TTBK2: variants seen among roughly 807,000 people sequenced by gnomAD.
TTBK2 encodes the protein tau tubulin kinase 2.
In TTBK2, 28 loss-of-function variants were observed where a neutral mutation model predicts 110.8. The observed-to-expected ratio is 0.25, with a 90% CI of 0.19 to 0.35. TTBK2 has a LOEUF of 0.35. Among genes scored for constraint, TTBK2 ranks in the 10% least tolerant of loss-of-function variants. The pLI, the probability that TTBK2 is intolerant of heterozygous loss-of-function variation, is 1.00. For missense variants in TTBK2, 1,369 were observed against 1,500.3 expected, an observed-to-expected ratio of 0.91 and a Z score of 1.45; for synonymous variants, 532 against 527.3, an observed-to-expected ratio of 1.01 and a Z score of -0.12.
chr15:42,765,596 C>T (rs1048314823), intron 13 of TTBK2, among the ~76,000 whole-genome samples: 5 of 152,148 alleles, frequency 3.3e-5, no homozygotes, highest in African/African-American at 1.2e-4. Context: ...TGAACAAAGC[C>T]TCCAAGAAAT....
At chr15:42,880,780 G>C (rs991592014) in intron 1 of TTBK2, among the ~76,000 whole-genome samples, 1 of 151,822 alleles carries the variant, frequency 6.6e-6, no homozygotes, top group Non-Finnish European at 1.5e-5. Context: ...ATTTTGTTCA[G>C]AAAATGAATG....
At chr15:42,882,620 AT>A (rs1895091878) in intron 1 of TTBK2, among the ~76,000 whole-genome samples, 4 of 151,980 alleles carry the variant, frequency 2.6e-5, no homozygotes, top group Non-Finnish European at 5.9e-5. Flanking sequence ...TCTCAAAATA[AT>A]AATAACAATA....
At chr15:42,751,418 T>A (rs1420927907) in intron 14 of TTBK2, among the ~76,000 whole-genome samples, 1 of 152,216 alleles carries the variant, frequency 6.6e-6, no homozygotes, top group African/African-American at 2.4e-5. Flanking sequence ...ATGTACTTAC[T>A]ACCACTGAAC....
chr15:42,755,643 G>A lies in TTBK2; in HGVS notation c.1999-2396C>T, dbSNP rs568377108. Among the ~76,000 whole-genome samples the A allele has an allele frequency of 6.0e-4, 91 of 152,252 alleles. 2 individuals are homozygous for A. Among genetic ancestry groups the A allele is most frequent in the Middle Eastern group, 3.4e-3 (1 of 294 alleles). On this transcript the variant is annotated intron_variant, in intron 13 of 14. Transcript: ENST00000267890. ...ATAAGCACAAATCTAAAATGACCTT[G>A]GGAAAAAGCATTAGGTTCTATTGGT...
chr15:42,890,238 C>A (rs1453538355), intron 1 of TTBK2, among the ~76,000 whole-genome samples: 1 of 152,204 alleles, frequency 6.6e-6, no homozygotes, highest in African/African-American at 2.4e-5. Context: ...TAATGATAAT[C>A]CCACAACCCT....
chr15:42,757,500 C>A (rs2061964959), intron 13 of TTBK2, among the ~76,000 whole-genome samples: 3 of 152,190 alleles, frequency 2.0e-5, no homozygotes, highest in Admixed American at 2.0e-4. Flanking sequence ...AAGTTGTGCA[C>A]AGCACAGTAC....
At chr15:42,906,481 A>G (rs1381013769) in intron 1 of TTBK2, among the ~76,000 whole-genome samples, 1 of 152,082 alleles carries the variant, frequency 6.6e-6, no homozygotes, top group South Asian at 2.1e-4. Flanking sequence ...TAAAGTTATT[A>G]GTAATAGAAA....
At chr15:42,775,045 C>T (rs1889839597) in intron 13 of TTBK2, 90 bp downstream of exon 13, 2 of 1,407,274 alleles carry the variant, frequency 1.4e-6, no homozygotes, top group South Asian at 1.2e-5. Context: ...TAGGCCTGTA[C>T]TGAAGTATCT....
At chr15:42,774,881 A>C (rs1160254132) in intron 13 of TTBK2, among the ~76,000 whole-genome samples, 1 of 152,268 alleles carries the variant, frequency 6.6e-6, no homozygotes, top group African/African-American at 2.4e-5. Context: ...CTTGTAGTCT[A>C]ATTAAAAATG....
At chr15:42,753,552 A>G (rs2061899329) in intron 13 of TTBK2, among the ~76,000 whole-genome samples, 1 of 151,968 alleles carries the variant, frequency 6.6e-6, no homozygotes, top group South Asian at 2.1e-4. Context: ...TGGCTTTCTG[A>G]TTTGTGGTTA....
chr15:42,839,776 G>A (rs2141013746), intron 4 of TTBK2, among the ~76,000 whole-genome samples: 1 of 152,210 alleles, frequency 6.6e-6, no homozygotes, highest in East Asian at 1.9e-4. Context: ...TGTGGAAGTG[G>A]GGTAATCTTG....
At chr15:42,902,532 A>G (rs1045910789) in intron 1 of TTBK2, among the ~76,000 whole-genome samples, 1 of 152,150 alleles carries the variant, frequency 6.6e-6, no homozygotes. Flanking sequence ...TGTATATTAA[A>G]AAAAAACCAC....
intron 10 of TTBK2, among the ~76,000 whole-genome samples, chr15:42,787,548 A>T (rs1443355749): frequency 2.0e-5 from 3 of 152,204 alleles, no homozygotes; most frequent in Admixed American, 6.5e-5. Context: ...CAGTGCTGAC[A>T]TAGTTGCAAA....
chr15:42,795,416 T>C (rs983143471), intron 9 of TTBK2, among the ~76,000 whole-genome samples: 14 of 152,172 alleles, frequency 9.2e-5, no homozygotes, highest in Admixed American at 8.5e-4. Context: ...TTCCTAAAGT[T>C]TGATGTGATC....
Position 42,777,059 on chromosome 15 carries a change from G to C in TTBK2, c.1381C>G (p.Pro461Ala). The C allele has an allele frequency of 1.2e-6, 2 of 1,614,042 alleles. No homozygotes were observed. The highest frequency in any genetic ancestry group is 4.5e-5 in the East Asian group (2 of 44,886). Residue 461 changes from proline to alanine, a missense_variant, in exon 12 of 15, where the codon CCA becomes GCA. By Grantham distance (27) the Pro-to-Ala change is conservative (BLOSUM62 -1). This residue lies in a region of TTBK2 where 1,097 missense variants were observed against 1,114.7 expected (regional missense o/e 0.98). Coordinates refer to ENST00000267890, the MANE Select transcript of TTBK2 (RefSeq NM_173500.4). Reference protein sequence around the residue: ...LEKRLTLEPKPDTDKFLETCL... With the variant: ...LEKRLTLEPKADTDKFLETCL... ...GTCTCAAGGAACTTGTCAGTGTCTG[G>C]CTTTGGCTCCAGGGTCAGACGTTTT... is the stretch of plus-strand genomic sequence containing the variant.
At chr15:42,761,446 GA>G (rs2062024476) in intron 13 of TTBK2, among the ~76,000 whole-genome samples, 1 of 133,338 alleles carries the variant, frequency 7.5e-6, no homozygotes, top group Non-Finnish European at 1.7e-5. Flanking sequence ...GATAGCAAAG[GA>G]AAACCTTCTT....
chr15:42,818,272 C>T (rs1892125692), intron 6 of TTBK2, among the ~76,000 whole-genome samples: 1 of 152,126 alleles, frequency 6.6e-6, no homozygotes, highest in South Asian at 2.1e-4. Context: ...TGCCTGTCTT[C>T]TTTTAGTCTA....
intron 1 of TTBK2, among the ~76,000 whole-genome samples, chr15:42,889,830 C>A (rs903065543): frequency 6.6e-6 from 1 of 152,160 alleles, no homozygotes; most frequent in Non-Finnish European, 1.5e-5. Context: ...TCCCACGCCA[C>A]CCCAATCCCA....
chr15:42,760,299 T>C (rs573908930), intron 13 of TTBK2, among the ~76,000 whole-genome samples: 20 of 148,420 alleles, frequency 1.3e-4, no homozygotes, highest in Non-Finnish European at 1.9e-4. Flanking sequence ...GGCAGAAGAA[T>C]TGCTTGAACC....
Sources: allele counts gnomAD v4.1 joint callset (sites outside exome capture counted in the v4.1 genomes callset), GRCh38; gene constraint gnomAD v4.1.1; regional missense constraint gnomAD v4.1.1; transcripts MANE v1.5; gene names NCBI Gene and HGNC (gene_info 2026-07-23, HGNC 2026-07-21).